Variants in JPH3 observed in about 807,000 individuals in gnomAD.
JPH3 encodes the protein junctophilin 3, also known as junctophilin-3.
A neutral mutation model predicts 59.6 loss-of-function variants in JPH3; 11 were observed. The ratio of observed to expected loss-of-function variants is 0.18; its 90% CI spans 0.12 to 0.31. The LOEUF is 0.31. Ranked by LOEUF, JPH3 falls within the 10% of genes least tolerant of loss-of-function variation. The probability of loss-of-function intolerance (pLI) is 1.00; values close to 1 mark genes in which losing one functional copy is unlikely to be tolerated. For missense variants in JPH3, 1,202 were observed against 1,105.7 expected (o/e 1.09, Z -1.24); for synonymous variants, 673 against 483.6 (o/e 1.39, Z -5.14).
chr16:87,619,299 C>T (rs903481896), intron 1 of JPH3, among the ~76,000 whole-genome samples: 10 of 134,564 alleles, frequency 7.4e-5, no homozygotes, highest in South Asian at 5.3e-4. Context: ...GGTGACAGAG[C>T]GAGACCCTGT....
chr16:87,623,502 T>TG (rs2031264232), intron 1 of JPH3, among the ~76,000 whole-genome samples: 1 of 152,216 alleles, frequency 6.6e-6, no homozygotes, highest in African/African-American at 2.4e-5. Context: ...ACTGTGGGCT[T>TG]GAGGCATCTT....
chr16:87,683,184 G>GCC (rs2033336625), intron 2 of JPH3, among the ~76,000 whole-genome samples: 1 of 152,252 alleles, frequency 6.6e-6, no homozygotes, highest in Non-Finnish European at 1.5e-5. Context: ...CCCACACCGG[G>GCC]GCAGTGGCAG....
chr16:87,670,034 A>G (rs1309351940), intron 2 of JPH3, among the ~76,000 whole-genome samples: 2 of 152,078 alleles, frequency 1.3e-5, no homozygotes, highest in African/African-American at 4.8e-5. Context: ...TCATCCTTCC[A>G]TTCACAGGTA....
intron 3 of JPH3, among the ~76,000 whole-genome samples, chr16:87,688,677 A>C (rs1170036713): frequency 6.6e-6 from 1 of 152,052 alleles, no homozygotes; most frequent in South Asian, 2.1e-4. Flanking sequence ...AGAGCTCTGC[A>C]CCATTTTGGC....
intron 2 of JPH3, among the ~76,000 whole-genome samples, chr16:87,647,867 G>T (rs916883622): frequency 6.6e-6 from 1 of 152,214 alleles, no homozygotes; most frequent in Non-Finnish European, 1.5e-5. Context: ...GGGGCACTAG[G>T]AACTGGCGTC....
At chr16:87,618,074 G>T (rs1443553862) in intron 1 of JPH3, among the ~76,000 whole-genome samples, 2 of 152,190 alleles carry the variant, frequency 1.3e-5, no homozygotes, top group African/African-American at 2.4e-5. Flanking sequence ...TGAGGTGGGA[G>T]AATCACTTCA....
intron 1 of JPH3, among the ~76,000 whole-genome samples, chr16:87,640,141 A>T (rs2031895870): frequency 6.6e-6 from 1 of 152,112 alleles, no homozygotes; most frequent in Admixed American, 6.5e-5. Flanking sequence ...ATCCTGGCCA[A>T]CATGGTGAAA....
chr16:87,655,732 A>G (rs1310334162), intron 2 of JPH3, among the ~76,000 whole-genome samples: 1 of 152,258 alleles, frequency 6.6e-6, no homozygotes, highest in Non-Finnish European at 1.5e-5. Flanking sequence ...ACACGTAATG[A>G]GTGCAGTGCA....
intron 1 of JPH3, among the ~76,000 whole-genome samples, chr16:87,638,675 C>T (rs528565332): frequency 1.3e-5 from 2 of 152,252 alleles, no homozygotes; most frequent in South Asian, 2.1e-4. Flanking sequence ...CTGCTCTGCT[C>T]ACCTGCTGAG....
intron 2 of JPH3, among the ~76,000 whole-genome samples, chr16:87,645,521 G>A (rs1262066897): frequency 6.6e-6 from 1 of 152,196 alleles, no homozygotes; most frequent in Non-Finnish European, 1.5e-5. Flanking sequence ...GGAGATGGCA[G>A]CAGTTGGGAG....
chr16:87,608,775 G>A (rs1040971620), intron 1 of JPH3, among the ~76,000 whole-genome samples: 6 of 152,144 alleles, frequency 3.9e-5, no homozygotes, highest in African/African-American at 1.2e-4. Context: ...TGGGGGCCAC[G>A]CCTGCGATCC....
At chr16:87,687,426 G>A (rs1159279651) in intron 3 of JPH3, among the ~76,000 whole-genome samples, 2 of 152,184 alleles carry the variant, frequency 1.3e-5, no homozygotes, top group African/African-American at 4.8e-5. Flanking sequence ...CTTGCTGCCT[G>A]TCTGGGAGGT....
chr16:87,630,424 C>T (rs941301358), intron 1 of JPH3, among the ~76,000 whole-genome samples: 5 of 152,254 alleles, frequency 3.3e-5, no homozygotes, highest in Non-Finnish European at 7.3e-5. Flanking sequence ...GAACCTGCCC[C>T]TTCCTGGCAT....
chr16:87,624,902 G>T (rs1028602063), intron 1 of JPH3, among the ~76,000 whole-genome samples: 1 of 152,130 alleles, frequency 6.6e-6, no homozygotes, highest in Non-Finnish European at 1.5e-5. Flanking sequence ...CGGGTTCAAG[G>T]GATTCTCCTG....
chr16:87,607,415 C>T (rs1184841392), intron 1 of JPH3, among the ~76,000 whole-genome samples: 1 of 152,254 alleles, frequency 6.6e-6, no homozygotes, highest in African/African-American at 2.4e-5. Flanking sequence ...CACACACCCA[C>T]AGTCGGAATT....
intron 1 of JPH3, among the ~76,000 whole-genome samples, chr16:87,607,800 C>T (rs1056799845): frequency 2.6e-5 from 4 of 152,170 alleles, no homozygotes; most frequent in South Asian, 2.1e-4. Flanking sequence ...TTCATTGGTG[C>T]GGAGATTATG....
At chr16:87,661,427 C>T (rs1241988514) in intron 2 of JPH3, among the ~76,000 whole-genome samples, 1 of 152,260 alleles carries the variant, frequency 6.6e-6, no homozygotes, top group Non-Finnish European at 1.5e-5. Flanking sequence ...CTGGGCCTGC[C>T]CTTTGCATCT....
Position 87,689,789 on chromosome 16 carries a change from C to T in JPH3, c.1429C>T (p.Leu477=). 2.5e-6 allele frequency: 4 copies of T among 1,603,930 alleles called. 1 individual carries two copies. In the South Asian group the frequency reaches 4.4e-5, roughly 18 times the overall value. ...CGACCTGACCCCCGACGACAGCCCC[C>T]TGCAGAGCTTCCCCACCAGCCCCGC... The part of the protein sequence containing the change: ...PSDLTPDDSP[L]QSFPTSPAAT... The change falls in exon 4 of 5, where the codon CTG becomes TTG. Residue 477 remains leucine (L), a synonymous_variant. Transcript: ENST00000284262.
At chr16:87,682,844 G>A (rs1016537015) in intron 2 of JPH3, among the ~76,000 whole-genome samples, 22 of 152,304 alleles carry the variant, frequency 1.4e-4, no homozygotes, top group Admixed American at 5.2e-4. Flanking sequence ...AGGCCCCCCC[G>A]GGGGCCAGCA....
Sources: allele counts gnomAD v4.1 joint callset (sites outside exome capture counted in the v4.1 genomes callset), GRCh38; gene constraint gnomAD v4.1.1; transcripts MANE v1.5; gene names NCBI Gene and HGNC (gene_info 2026-07-23, HGNC 2026-07-21).